STXBP5L: variants seen among roughly 807,000 people sequenced by gnomAD.
STXBP5L encodes syntaxin-binding protein 5-like.
In STXBP5L, 65 loss-of-function variants were observed where a neutral mutation model predicts 144.5. The observed-to-expected ratio is 0.45, with a 90% confidence interval of 0.37 to 0.55. STXBP5L has a LOEUF of 0.55. STXBP5L is among the 20% of genes least tolerant of loss of function. STXBP5L has a pLI of 0.00. For missense variants in STXBP5L, 1,298 were observed against 1,405.5 expected (o/e 0.92, Z 1.22); for synonymous variants, 505 against 469.6 (o/e 1.08, Z -0.97).
intron 20 of STXBP5L, among the ~76,000 whole-genome samples, chr3:121,334,332 A>G (rs1246424447): frequency 6.6e-6 from 1 of 152,166 alleles, no homozygotes; most frequent in Non-Finnish European, 1.5e-5. Context: ...GAAGAAATGT[A>G]TCATTCCAGC....
At chr3:121,342,208 C>T (rs1009529657) in intron 20 of STXBP5L, among the ~76,000 whole-genome samples, 5 of 152,174 alleles carry the variant, frequency 3.3e-5, no homozygotes, top group Admixed American at 2.0e-4. Context: ...GTTCAAGGAT[C>T]AACTGCATAA....
At chr3:121,040,609 G>A (rs1422391759) in intron 3 of STXBP5L, among the ~76,000 whole-genome samples, 2 of 151,920 alleles carry the variant, frequency 1.3e-5, no homozygotes, top group African/African-American at 4.8e-5. Context: ...CTCTTTTTGT[G>A]TGTCACATTT....
intron 19 of STXBP5L, among the ~76,000 whole-genome samples, chr3:121,315,672 A>G (rs2043760640): frequency 6.6e-6 from 1 of 152,098 alleles, no homozygotes; most frequent in South Asian, 2.1e-4. Flanking sequence ...AAGTAAAAAA[A>G]AATCAGAATA....
chr3:120,928,034 T>C (rs1709729753), intron 2 of STXBP5L, among the ~76,000 whole-genome samples: 1 of 152,222 alleles, frequency 6.6e-6, no homozygotes, highest in African/African-American at 2.4e-5. Flanking sequence ...GAGTTGACAA[T>C]TGAAAGCAAA....
chr3:121,157,825 A>C, intron 9 of STXBP5L, 198 bp downstream of exon 9: 1 of 635,830 alleles, frequency 1.6e-6, no homozygotes, highest in Non-Finnish European at 2.4e-6. Flanking sequence ...CTACCAACCC[A>C]CATCCCTGTT....
At chr3:120,960,217 T>C (rs1938596020) in intron 3 of STXBP5L, among the ~76,000 whole-genome samples, 1 of 152,210 alleles carries the variant, frequency 6.6e-6, no homozygotes, top group South Asian at 2.1e-4. Flanking sequence ...AGATACCATC[T>C]CATGCCAGTT....
At chr3:121,041,556 C>G (rs1947155165) in intron 3 of STXBP5L, 144 bp from the exon 4 acceptor site, 1 of 589,672 alleles carries the variant, frequency 1.7e-6, no homozygotes, top group East Asian at 2.8e-5. Context: ...TAATTTACAT[C>G]TACTAAGAGT....
chr3:121,307,260 G>A (rs1229011745), intron 19 of STXBP5L, among the ~76,000 whole-genome samples: 1 of 152,090 alleles, frequency 6.6e-6, no homozygotes, highest in Admixed American at 6.5e-5. Flanking sequence ...AAAATATCAT[G>A]AGACTTGCAA....
At chr3:121,325,673 T>C (rs981952105) in intron 20 of STXBP5L, among the ~76,000 whole-genome samples, 3 of 152,048 alleles carry the variant, frequency 2.0e-5, no homozygotes, top group Non-Finnish European at 4.4e-5. Flanking sequence ...TAATTTTTAG[T>C]TCTTACAGTT....
chr3:121,125,548 G>A (rs1437377023), intron 7 of STXBP5L, among the ~76,000 whole-genome samples: 1 of 152,076 alleles, frequency 6.6e-6, no homozygotes, highest in East Asian at 1.9e-4. Flanking sequence ...TAAAGAAACT[G>A]TGCATTGGTC....
At chr3:121,124,377 A>C (rs1400152223) in intron 7 of STXBP5L, among the ~76,000 whole-genome samples, 1 of 151,938 alleles carries the variant, frequency 6.6e-6, no homozygotes, top group Admixed American at 6.6e-5. Context: ...TTGAAATTCG[A>C]GTGTATAACT....
chr3:121,091,491 T>C (rs1287115926), intron 5 of STXBP5L, among the ~76,000 whole-genome samples: 4 of 152,212 alleles, frequency 2.6e-5, no homozygotes, highest in Non-Finnish European at 5.9e-5. Context: ...TGAGATGATA[T>C]CTCATTGCAG....
chr3:121,206,685 G>A (rs1479612339), intron 10 of STXBP5L, among the ~76,000 whole-genome samples: 1 of 152,044 alleles, frequency 6.6e-6, no homozygotes, highest in African/African-American at 2.4e-5. Flanking sequence ...ATGGTGGCAT[G>A]TGCCTGTAAT....
rs1050687310 is a variant in STXBP5L, at chr3:121,128,757, T to C, written c.669+7053T>C. On this transcript the variant is annotated intron_variant, in intron 7 of 26. Transcript: ENST00000471454. ...GCTGACTGGGATGTTGTTTGCCTTG[T>C]ATGATCAGAAAAAAATTAAGAGTAG... is the stretch of plus-strand genomic sequence containing the variant. 3.9e-5 allele frequency among the ~76,000 whole-genome samples: 6 copies of C among 152,096 alleles called. No individual in the cohort carries two copies. The East Asian group carries it at 1.2e-3, about 29-fold the overall frequency.
At chr3:121,317,565 A>G (rs544491637) in intron 19 of STXBP5L, among the ~76,000 whole-genome samples, 44 of 152,296 alleles carry the variant, frequency 2.9e-4, no homozygotes, top group Middle Eastern at 3.4e-3. Flanking sequence ...TAGCTCTCAA[A>G]TGTTTCTGAG....
Position 121,419,346 on chromosome 3 carries a change from T to C in STXBP5L, c.*249T>C, listed in dbSNP as rs914115101. On this transcript the variant is annotated 3_prime_UTR_variant, in exon 27 of 27. Transcript: ENST00000471454. ...GTGGAATGGAGCTATCATCTTGGCA[T>C]GTCATTCGATAAGGATTTATATTTA... is the stretch of plus-strand genomic sequence containing the variant. 1 of 376,418 alleles carries C rather than the reference T, an allele frequency of 2.7e-6. No individual in the cohort carries two copies. Among genetic ancestry groups the C allele is most frequent in the African/African-American group, 2.1e-5 (1 of 47,804 alleles). 23.3% of individuals were successfully genotyped at this position (376,418 alleles called of 1,614,324 possible). A position where few individuals can be genotyped will look rare whatever the true frequency, so the allele number is the denominator to read the frequency against.
intron 19 of STXBP5L, among the ~76,000 whole-genome samples, chr3:121,309,775 TCA>T (rs1195092013): frequency 6.6e-6 from 1 of 152,166 alleles, no homozygotes; most frequent in African/African-American, 2.4e-5. Context: ...CATATGTTTA[TCA>T]CAGTCCTATA....
chr3:121,345,473 G>A (rs1183080519), intron 20 of STXBP5L, among the ~76,000 whole-genome samples: 1 of 152,068 alleles, frequency 6.6e-6, no homozygotes, highest in Non-Finnish European at 1.5e-5. Context: ...AAACATACGT[G>A]TGCATATGTC....
chr3:121,221,978 A>G (rs1017444856), intron 10 of STXBP5L, among the ~76,000 whole-genome samples: 8 of 152,040 alleles, frequency 5.3e-5, no homozygotes, highest in Non-Finnish European at 1.2e-4. Context: ...AGAAAAGGAA[A>G]TCTTACAGAG....
Sources: allele counts gnomAD v4.1 joint callset (sites outside exome capture counted in the v4.1 genomes callset), GRCh38; gene constraint gnomAD v4.1.1; transcripts MANE v1.5; gene names NCBI Gene and HGNC (gene_info 2026-07-23, HGNC 2026-07-21).